CHM: variants seen among roughly 807,000 people sequenced by gnomAD.
CHM encodes CHM Rab escort protein.
Under a neutral mutation model 49.0 loss-of-function variants are expected in CHM, and 10 were observed. That is an observed-to-expected ratio of 0.20 (90% CI 0.13 to 0.35). The LOEUF (loss-of-function observed/expected upper bound fraction) is 0.35, where lower values mean the gene tolerates loss of function less well. Among genes scored for constraint, CHM ranks in the 10% least tolerant of loss-of-function variants. CHM has a pLI of 1.00. For synonymous variants in CHM, 184 were observed against 167.5 expected, an observed-to-expected ratio of 1.10 and a Z score of -0.76; for missense variants, 455 against 478.4, an observed-to-expected ratio of 0.95 and a Z score of 0.46.
intron 8 of CHM, among the ~76,000 whole-genome samples, chrX:85,922,321 T>C (rs1284917719): frequency 6.2e-5 from 7 of 112,661 alleles, no homozygotes; most frequent in Non-Finnish European, 1.3e-4. Context: ...CCCTTTTTTT[T>C]CTTCCTTTCT....
chrX:86,043,552 C>T (rs1934552647), intron 1 of CHM, among the ~76,000 whole-genome samples: 1 of 109,719 alleles, frequency 9.1e-6, no homozygotes, highest in African/African-American at 3.3e-5. Flanking sequence ...ACTACAGGCA[C>T]GTGTCACCAT....
rs761651555 is a variant in CHM at position 85,925,330 on chromosome X, A to G, written c.1167-13992T>C. On this transcript the variant is annotated intron_variant, in intron 8 of 14. Transcript: ENST00000357749. Reference sequence around the variant, plus strand: ...TGTCAATGGACATCATTTCAATGGAACTTTTGATGGAAAAGCACTGGTGTT... The same window carrying G: ...TGTCAATGGACATCATTTCAATGGAGCTTTTGATGGAAAAGCACTGGTGTT... Among the ~76,000 whole-genome samples, 5 of 111,285 alleles carry G rather than the reference A, an allele frequency of 4.5e-5. 1 individual carries two copies. The East Asian group carries it at 1.4e-3, about 32-fold the overall frequency.
chrX:86,020,034 C>T (rs1016677558), intron 2 of CHM, among the ~76,000 whole-genome samples: 2 of 111,274 alleles, frequency 1.8e-5, no homozygotes, highest in African/African-American at 6.5e-5. Context: ...TACTTCCTAC[C>T]TCAGCATACA....
intron 2 of CHM, among the ~76,000 whole-genome samples, chrX:86,017,935 A>G (rs1361376091): frequency 8.9e-6 from 1 of 112,122 alleles, no homozygotes; most frequent in Non-Finnish European, 1.9e-5. Context: ...TTAATAGATA[A>G]CATAAATTTC....
chrX:85,927,356 A>G (rs1427331689), intron 8 of CHM, among the ~76,000 whole-genome samples: 1 of 111,818 alleles, frequency 8.9e-6, no homozygotes, highest in Non-Finnish European at 1.9e-5. Context: ...ATGCAACTGT[A>G]AAAAAATACA....
chrX:85,984,525 A>G (rs1453483054), intron 2 of CHM, among the ~76,000 whole-genome samples: 1 of 112,052 alleles, frequency 8.9e-6, no homozygotes, highest in Non-Finnish European at 1.9e-5. Flanking sequence ...AAATGGTACA[A>G]GCACTTTCTA....
intron 5 of CHM, among the ~76,000 whole-genome samples, chrX:85,959,226 A>G (rs1478762990): frequency 1.8e-5 from 2 of 111,760 alleles, no homozygotes; most frequent in African/African-American, 6.5e-5. Context: ...CATACTGATA[A>G]GGCACTCTGG....
At chrX:85,878,053 T>C (rs1924521510) in intron 13 of CHM, among the ~76,000 whole-genome samples, 1 of 112,113 alleles carries the variant, frequency 8.9e-6, no homozygotes, top group African/African-American at 3.2e-5. Context: ...ATATGCCATA[T>C]TTTCTCCATT....
At chrX:86,027,142 T>C (rs968672086) in intron 2 of CHM, 35 of 192,018 alleles carry the variant, frequency 1.8e-4, no homozygotes, top group African/African-American at 1.0e-3. Flanking sequence ...ATAGCATATA[T>C]AGGTTGTATA....
At chrX:86,023,997 G>A (rs768373694) in intron 2 of CHM, among the ~76,000 whole-genome samples, 9 of 111,616 alleles carry the variant, frequency 8.1e-5, no homozygotes, top group Non-Finnish European at 1.5e-4. Context: ...TAAATGCCAT[G>A]GCACTCTTAT....
At chrX:85,909,793 A>C (rs937837138) in intron 9 of CHM, among the ~76,000 whole-genome samples, 1 of 112,331 alleles carries the variant, frequency 8.9e-6, no homozygotes, top group Non-Finnish European at 1.9e-5. Context: ...CATGGGACTG[A>C]AATGGGACCC....
At chrX:86,011,942 C>G (rs12558756) in intron 2 of CHM, among the ~76,000 whole-genome samples, 2 of 110,732 alleles carry the variant, frequency 1.8e-5, no homozygotes, top group South Asian at 3.8e-4. Flanking sequence ...AATGCAGCAC[C>G]GCCTACACCT....
chrX:85,983,990 TGAG>T (rs1931768666), intron 2 of CHM, among the ~76,000 whole-genome samples: 1 of 109,565 alleles, frequency 9.1e-6, no homozygotes, highest in South Asian at 4.0e-4. Context: ...TCACCTGAGG[TGAG>T]GAGGTCGAGA....
chrX:86,030,102 G>A (rs746357239), intron 1 of CHM, among the ~76,000 whole-genome samples: 2 of 112,156 alleles, frequency 1.8e-5, no homozygotes, highest in South Asian at 3.7e-4. Flanking sequence ...AGTTATACAC[G>A]TGGTTATTTC....
At chrX:85,889,757 T>C (rs1030407715) in intron 12 of CHM, among the ~76,000 whole-genome samples, 1 of 111,660 alleles carries the variant, frequency 9.0e-6, no homozygotes, top group African/African-American at 3.3e-5. Context: ...TGCACTCCCA[T>C]GTTCATCACA....
rs377140819 is a variant in CHM, at chrX:86,002,606, C to T, written c.117-20797G>A. Among the ~76,000 whole-genome samples the T allele has an allele frequency of 3.6e-4, 40 of 112,218 alleles. No homozygotes were observed. The East Asian group carries it at 3.7e-3, about 10-fold the overall frequency. On this transcript the variant is annotated intron_variant, in intron 2 of 14. Coordinates refer to ENST00000357749, the MANE Select transcript of CHM (RefSeq NM_000390.4). ...GCTGAACCAGGGCGGGGTGTCGCAT[C>T]ACCTGGGAAGCACAAGGGGTCGGGG... is the stretch of plus-strand genomic sequence containing the variant.
intron 6 of CHM, 144 bp downstream of exon 6, chrX:85,958,717 A>T: frequency 1.1e-6 from 1 of 952,010 alleles, no homozygotes; most frequent in Non-Finnish European, 1.5e-6. Context: ...AATTTTAATT[A>T]AGCATTTACA....
chrX:86,046,149 G>A (rs1271015848), intron 1 of CHM, among the ~76,000 whole-genome samples: 1 of 112,023 alleles, frequency 8.9e-6, no homozygotes, highest in Non-Finnish European at 1.9e-5. Flanking sequence ...TTTAGTGCCT[G>A]GCCCTCCCAA....
chrX:86,042,624 C>G (rs12863366), intron 1 of CHM, among the ~76,000 whole-genome samples: 27,720 of 107,916 alleles, frequency 0.26, 3,274 homozygotes, highest in Admixed American at 0.38. Context: ...GCAAAACCAG[C>G]CTGGGCAACA....
Sources: gnomAD v4.1 joint callset for allele counts (sites outside exome capture counted in the v4.1 genomes callset) on GRCh38, gnomAD v4.1.1 for gene constraint, MANE v1.5 for transcripts, NCBI Gene and HGNC (gene_info 2026-07-23, HGNC 2026-07-21) for gene names.